Variants in IQCK observed in about 807,000 individuals in gnomAD.
IQCK encodes IQ domain-containing protein K.
IQCK carries 29 observed loss-of-function variants against 28.1 expected under a neutral mutation model. That is an observed-to-expected ratio of 1.03 (90% CI 0.77 to 1.41). IQCK has a LOEUF of 1.41. Ranked by LOEUF, IQCK falls within the 40% of genes most tolerant of loss-of-function variation. IQCK has a pLI of 0.00. For synonymous variants in IQCK, 113 were observed against 115.1 expected, an observed-to-expected ratio of 0.98 and a Z score of 0.12; for missense variants, 359 against 314.7, an observed-to-expected ratio of 1.14 and a Z score of -1.07.
At chr16:19,720,684 G>A (rs1403435423) in intron 1 of IQCK, among the ~76,000 whole-genome samples, 1 of 152,202 alleles carries the variant, frequency 6.6e-6, no homozygotes, top group East Asian at 1.9e-4. Flanking sequence ...GGTTCTCTCT[G>A]AAGAGCAAGT....
intron 4 of IQCK, among the ~76,000 whole-genome samples, chr16:19,759,451 C>T (rs146692898): frequency 0.023 from 3,531 of 152,118 alleles, 116 homozygotes; most frequent in African/African-American, 0.08. Flanking sequence ...TCAGGTGATC[C>T]GCCTGCCTCG....
chr16:19,719,814 C>T (rs891925472), intron 1 of IQCK, among the ~76,000 whole-genome samples: 2 of 151,072 alleles, frequency 1.3e-5, no homozygotes, highest in Non-Finnish European at 1.5e-5. Context: ...GCTGGGATTA[C>T]AGGCACCCGT....
At chr16:19,752,730 GT>G (rs879625162) in intron 4 of IQCK, among the ~76,000 whole-genome samples, 4 of 152,056 alleles carry the variant, frequency 2.6e-5, no homozygotes, top group Non-Finnish European at 5.9e-5. Context: ...TGCCTGGCTA[GT>G]TTTTGTATTT....
rs562533994 is a variant in IQCK, at chr16:19,832,654, C to T, written c.802+5517C>T. ...GTGTGCAACATGATGATTTAATATT[C>T]GTATACTGTATTAGTCCATTTTCAC... is the stretch of plus-strand genomic sequence containing the variant. On this transcript the variant is annotated intron_variant, in intron 9 of 9. Coordinates refer to the IQCK transcript ENST00000320394. Among the ~76,000 whole-genome samples, 9 of 152,140 alleles carry T rather than the reference C, an allele frequency of 5.9e-5. No homozygotes were observed. In the South Asian group the frequency reaches 1.7e-3, roughly 28 times the overall value.
chr16:19,728,945 G>A (rs576492098), intron 1 of IQCK, among the ~76,000 whole-genome samples: 13 of 152,150 alleles, frequency 8.5e-5, no homozygotes, highest in African/African-American at 1.7e-4. Flanking sequence ...CCTCAATACC[G>A]TCTTGCCCAC....
chr16:19,729,521 A>G (rs1331735945), intron 1 of IQCK, among the ~76,000 whole-genome samples: 1 of 151,958 alleles, frequency 6.6e-6, no homozygotes, highest in Non-Finnish European at 1.5e-5. Flanking sequence ...ATGTTGGCAA[A>G]AGCTGAAGTT....
At chr16:19,815,174 C>G (rs891472966) in intron 7 of IQCK, among the ~76,000 whole-genome samples, 2 of 151,964 alleles carry the variant, frequency 1.3e-5, no homozygotes, top group Non-Finnish European at 2.9e-5. Context: ...CACCAGCCAC[C>G]CAACTGAATT....
chr16:19,855,175 G>A (rs2056542370), intron 9 of IQCK, among the ~76,000 whole-genome samples: 1 of 152,130 alleles, frequency 6.6e-6, no homozygotes, highest in South Asian at 2.1e-4. Context: ...CAGGAGGGTG[G>A]GAAGCTGATG....
At chr16:19,744,502 C>T (rs1288544673) in intron 4 of IQCK, among the ~76,000 whole-genome samples, 1 of 152,152 alleles carries the variant, frequency 6.6e-6, no homozygotes, top group Non-Finnish European at 1.5e-5. Context: ...AGGTATTTCC[C>T]TAATCCTTAA....
intron 4 of IQCK, among the ~76,000 whole-genome samples, chr16:19,747,023 A>G (rs1396262525): frequency 6.6e-6 from 1 of 152,228 alleles, no homozygotes; most frequent in Non-Finnish European, 1.5e-5. Context: ...TCATGGCTGT[A>G]ATCCCAGCAA....
intron 7 of IQCK, among the ~76,000 whole-genome samples, chr16:19,804,012 G>T (rs2151741230): frequency 6.6e-6 from 1 of 152,302 alleles, no homozygotes; most frequent in African/African-American, 2.4e-5. Context: ...AATGGTGTCA[G>T]TATGGAGGTG....
intron 2 of IQCK, among the ~76,000 whole-genome samples, chr16:19,730,973 C>T (rs539600918): frequency 8.5e-5 from 13 of 152,270 alleles, no homozygotes; most frequent in African/African-American, 3.1e-4. Flanking sequence ...ATCTGCCTGC[C>T]TCAGTCTCCC....
At chr16:19,764,143 A>C in intron 6 of IQCK, 31 bp downstream of exon 6, 1 of 1,521,130 alleles carries the variant, frequency 6.6e-7, no homozygotes, top group Non-Finnish European at 9.1e-7. Context: ...TGAATAATTT[A>C]TTCCTAATTT....
chr16:19,805,959 G>C (rs2055828589), intron 7 of IQCK, among the ~76,000 whole-genome samples: 1 of 152,098 alleles, frequency 6.6e-6, no homozygotes, highest in Non-Finnish European at 1.5e-5. Context: ...GTCTACTTCT[G>C]GGTGGGGAGC....
rs1597534577 is a variant in IQCK, at chr16:19,764,125, C to T, written c.605+13C>T. On this transcript the variant is annotated intron_variant, in intron 6 of 7. Transcript: ENST00000564186. Reference sequence around the variant, plus strand: ...GGCTAAAGCAACAGTGAGTATGACACAAGGCTTTGAATAATTTATTCCTAA... The same window carrying T: ...GGCTAAAGCAACAGTGAGTATGACATAAGGCTTTGAATAATTTATTCCTAA... 1 of 1,589,694 alleles carries T rather than the reference C, an allele frequency of 6.3e-7. No homozygotes were observed. Among genetic ancestry groups the T allele is most frequent in the Non-Finnish European group, 8.6e-7 (1 of 1,159,660 alleles).
chr16:19,730,431 G>C, exon 2 of IQCK: 2 of 1,603,682 alleles, frequency 1.2e-6, no homozygotes, highest in Non-Finnish European at 1.7e-6. Context: ...TCCCTTTAGA[G>C]TATGAAGCTG....
chr16:19,722,540 C>G (rs1891925690), intron 1 of IQCK, among the ~76,000 whole-genome samples: 1 of 152,154 alleles, frequency 6.6e-6, no homozygotes, highest in Non-Finnish European at 1.5e-5. Flanking sequence ...CAGCTTCTTC[C>G]TCATTTCTCC....
At chr16:19,736,119 G>A in intron 4 of IQCK, 1 of 455,846 alleles carries the variant, frequency 2.2e-6, no homozygotes, top group Non-Finnish European at 4.4e-6. Context: ...TAGATTGATT[G>A]TTCCCCCTGG....
intron 6 of IQCK, among the ~76,000 whole-genome samples, chr16:19,772,988 G>A (rs995362864): frequency 2.6e-5 from 4 of 152,134 alleles, no homozygotes; most frequent in Non-Finnish European, 4.4e-5. Context: ...GGGTGACAGA[G>A]TGAGATCCTG....
Sources: allele counts gnomAD v4.1 joint callset (sites outside exome capture counted in the v4.1 genomes callset), GRCh38; gene constraint gnomAD v4.1.1; transcripts MANE v1.5; gene names NCBI Gene and HGNC (gene_info 2026-07-23, HGNC 2026-07-21).